GPHN: variants seen among roughly 807,000 people sequenced by gnomAD.
GPHN encodes the protein gephyrin.
In GPHN, 17 loss-of-function variants were observed where a neutral mutation model predicts 95.5. That is an observed-to-expected ratio of 0.18 (90% CI 0.12 to 0.27). The LOEUF (loss-of-function observed/expected upper bound fraction) is 0.27, where lower values mean the gene tolerates loss of function less well. Ranked by LOEUF, GPHN falls within the 10% of genes least tolerant of loss-of-function variation. GPHN has a pLI of 1.00. For synonymous variants in GPHN, 320 were observed against 322.5 expected (o/e 0.99, Z 0.08); for missense variants, 660 against 978.1 (o/e 0.67, Z 4.34).
chr14:67,094,468 A>G (rs1014057342), intron 12 of GPHN, among the ~76,000 whole-genome samples: 5 of 152,194 alleles, frequency 3.3e-5, no homozygotes, highest in African/African-American at 1.2e-4. Context: ...ATTAGCAGAT[A>G]TGTCAGAATT....
chr14:67,235,740 C>T, the GPHN span, among the ~76,000 whole-genome samples: 9 of 152,034 alleles, frequency 5.9e-5, no homozygotes, highest in South Asian at 2.1e-4. Flanking sequence ...CTCATAGACC[C>T]TATTTTATTT....
At chr14:67,383,553 T>C in the GPHN span, 1 of 1,429,340 alleles carries the variant, frequency 7.0e-7, no homozygotes, top group Non-Finnish European at 9.5e-7. Context: ...ATATTTTTTA[T>C]TTCTAAGTAT....
intron 11 of GPHN, chr14:67,059,157 A>G: frequency 3.6e-6 from 1 of 275,578 alleles, no homozygotes; most frequent in Non-Finnish European, 6.7e-6. Flanking sequence ...TCTGTCAGAA[A>G]TGGGAGACAA....
the GPHN span, among the ~76,000 whole-genome samples, chr14:67,733,131 AT>A: frequency 8.6e-5 from 9 of 104,626 alleles, no homozygotes; most frequent in Admixed American, 2.8e-4. Context: ...TAATAATAAA[AT>A]TAAAAAAAAC....
At chr14:67,023,587 T>C in intron 9 of GPHN, 46 bp from the exon 10 acceptor site, 1 of 1,531,588 alleles carries the variant, frequency 6.5e-7, no homozygotes, top group Admixed American at 1.7e-5. Flanking sequence ...TATCTGCCTA[T>C]TCATGCTATA....
chr14:67,531,924 A>C, the GPHN span, among the ~76,000 whole-genome samples: 1 of 151,394 alleles, frequency 6.6e-6, no homozygotes, highest in Admixed American at 6.6e-5. Context: ...AAAAAAAAAA[A>C]AAAAAAAGTG....
chr14:66,565,156 C>T (rs935045326), intron 1 of GPHN, among the ~76,000 whole-genome samples: 1 of 152,068 alleles, frequency 6.6e-6, no homozygotes, highest in Non-Finnish European at 1.5e-5. Flanking sequence ...TTCACCAGTG[C>T]CCTCAGATAC....
chr14:67,725,368 G>T, the GPHN span: 4 of 1,101,638 alleles, frequency 3.6e-6, no homozygotes, highest in Non-Finnish European at 5.4e-6. Context: ...CACTAGACAG[G>T]TTCTGCCACA....
chr14:67,049,930 C>T (rs183314712), intron 10 of GPHN, among the ~76,000 whole-genome samples: 15 of 152,274 alleles, frequency 9.9e-5, no homozygotes, highest in African/African-American at 2.2e-4. Context: ...AACACACGCA[C>T]GCACACACAT....
chr14:66,820,918 G>A (rs2061167072), intron 3 of GPHN, among the ~76,000 whole-genome samples: 2 of 152,100 alleles, frequency 1.3e-5, no homozygotes, highest in South Asian at 4.1e-4. Flanking sequence ...AAGATGAATG[G>A]AATGGAATAC....
At chr14:67,704,979 G>A in the GPHN span, among the ~76,000 whole-genome samples, 1 of 152,342 alleles carries the variant, frequency 6.6e-6, no homozygotes, top group African/African-American at 2.4e-5. Flanking sequence ...TTGGAAGCAG[G>A]TCTAGGTAGT....
intron 19 of GPHN, among the ~76,000 whole-genome samples, chr14:67,162,899 T>C (rs2082050177): frequency 6.6e-6 from 1 of 152,236 alleles, no homozygotes; most frequent in Admixed American, 6.5e-5. Context: ...CCACATTGCT[T>C]AATCTCTCTG....
chr14:66,738,502 G>A (rs2072493235), intron 2 of GPHN, among the ~76,000 whole-genome samples: 1 of 152,086 alleles, frequency 6.6e-6, no homozygotes, highest in African/African-American at 2.4e-5. Flanking sequence ...TAAAACCTTT[G>A]CATTGTTGAT....
chr14:67,110,001 A>T, intron 13 of GPHN, 139 bp from the exon 14 acceptor site: 1 of 728,436 alleles, frequency 1.4e-6, no homozygotes, highest in Non-Finnish European at 2.3e-6. Context: ...AGCTTTTATT[A>T]CACTGGCCCA....
chr14:67,253,398 G>T, the GPHN span, among the ~76,000 whole-genome samples: 2 of 152,178 alleles, frequency 1.3e-5, no homozygotes, highest in Non-Finnish European at 2.9e-5. Context: ...AAAGTCAAAT[G>T]AGAGAAAACA....
chr14:66,983,159 G>C (rs866303255), intron 9 of GPHN, among the ~76,000 whole-genome samples: 2 of 152,112 alleles, frequency 1.3e-5, no homozygotes, highest in African/African-American at 4.8e-5. Context: ...GGCTGAGGCC[G>C]GAGAATTGCT....
chr14:66,593,913 A>G (rs905314687), intron 1 of GPHN, among the ~76,000 whole-genome samples: 1 of 152,214 alleles, frequency 6.6e-6, no homozygotes, highest in African/African-American at 2.4e-5. Context: ...AACCTTATAT[A>G]TAGAAAAGCT....
the GPHN span, among the ~76,000 whole-genome samples, chr14:67,597,439 C>T: frequency 4.6e-5 from 7 of 151,556 alleles, no homozygotes; most frequent in Non-Finnish European, 2.9e-5. Flanking sequence ...ATTCACACCA[C>T]TACACTCCAG....
At chr14:66,713,969 A>G (rs1319895667) in intron 2 of GPHN, among the ~76,000 whole-genome samples, 1 of 152,096 alleles carries the variant, frequency 6.6e-6, no homozygotes. Context: ...GGGTTTCACC[A>G]TGTTGGCCAG....
Sources: gnomAD v4.1 joint callset for allele counts (sites outside exome capture counted in the v4.1 genomes callset) on GRCh38, gnomAD v4.1.1 for gene constraint, MANE v1.5 for transcripts, NCBI Gene and HGNC (gene_info 2026-07-23, HGNC 2026-07-21) for gene names.